Variants in CTNNA2 observed in about 807,000 individuals in gnomAD.
CTNNA2 encodes the protein catenin alpha-2.
CTNNA2 carries 42 observed loss-of-function variants against 101.0 expected under a neutral mutation model. The observed-to-expected ratio is 0.42, with a 90% CI of 0.32 to 0.54. The LOEUF (loss-of-function observed/expected upper bound fraction) is 0.54. Among genes scored for constraint, CTNNA2 ranks in the 20% least tolerant of loss-of-function variants. The pLI is 0.14. For synonymous variants in CTNNA2, 450 were observed against 456.4 expected, an observed-to-expected ratio of 0.99 and a Z score of 0.18; for missense variants, 871 against 1,223.1, an observed-to-expected ratio of 0.71 and a Z score of 4.29.
chr2:80,293,759 G>A (rs1255033804), intron 7 of CTNNA2, among the ~76,000 whole-genome samples: 3 of 152,282 alleles, frequency 2.0e-5, no homozygotes, highest in East Asian at 1.9e-4. Flanking sequence ...TGGAAGAGCT[G>A]GTGGCAAATC....
intron 7 of CTNNA2, among the ~76,000 whole-genome samples, chr2:80,184,045 G>T (rs1043402964): frequency 1.3e-5 from 2 of 151,416 alleles, no homozygotes; most frequent in East Asian, 1.9e-4. Flanking sequence ...TAATAAAATT[G>T]GATTTTACCA....
At chr2:80,581,386 T>A (rs1441846152) in intron 13 of CTNNA2, among the ~76,000 whole-genome samples, 1 of 152,026 alleles carries the variant, frequency 6.6e-6, no homozygotes, top group East Asian at 1.9e-4. Flanking sequence ...TGTTGATGGA[T>A]CTTTTCTTTC....
intron 7 of CTNNA2, among the ~76,000 whole-genome samples, chr2:80,251,706 A>G (rs767600702): frequency 1.5e-4 from 23 of 152,178 alleles, no homozygotes; most frequent in Non-Finnish European, 3.1e-4. Flanking sequence ...GGCTAGAAAC[A>G]AAAATAGGAA....
chr2:79,345,292 A>G (rs1228027072), intron 3 of CTNNA2, among the ~76,000 whole-genome samples: 2 of 152,110 alleles, frequency 1.3e-5, no homozygotes, highest in Admixed American at 6.5e-5. Flanking sequence ...AATAAATAGC[A>G]TATGTTTATA....
At chr2:79,743,175 T>TAAAA (rs35975188) in intron 2 of CTNNA2, among the ~76,000 whole-genome samples, 237 of 147,420 alleles carry the variant, frequency 1.6e-3, no homozygotes, top group African/African-American at 4.5e-3. Flanking sequence ...GTGAAGCCGA[T>TAAAA]AAAAAAAAAA....
chr2:80,320,508 G>C (rs946034770), intron 7 of CTNNA2, among the ~76,000 whole-genome samples: 7 of 152,178 alleles, frequency 4.6e-5, no homozygotes, highest in African/African-American at 1.4e-4. Flanking sequence ...ATTGGGTGAG[G>C]AACAGACCAT....
intron 3 of CTNNA2, among the ~76,000 whole-genome samples, chr2:79,316,761 G>A (rs996919022): frequency 1.3e-5 from 2 of 151,596 alleles, no homozygotes; most frequent in African/African-American, 4.8e-5. Flanking sequence ...TGTATATCCT[G>A]TAAACTTGCT....
intron 7 of CTNNA2, among the ~76,000 whole-genome samples, chr2:80,182,105 C>T (rs1705821692): frequency 6.6e-6 from 1 of 152,070 alleles, no homozygotes; most frequent in African/African-American, 2.4e-5. Context: ...CACAGTAGGC[C>T]ATCTGCAAGC....
At chr2:79,544,008 G>A (rs989724075) in intron 1 of CTNNA2, among the ~76,000 whole-genome samples, 4 of 151,788 alleles carry the variant, frequency 2.6e-5, no homozygotes, top group Admixed American at 6.6e-5. Context: ...GTATGATCTC[G>A]GGTCGCTGCA....
intron 1 of CTNNA2, among the ~76,000 whole-genome samples, chr2:79,185,762 A>G (rs948429737): frequency 1.3e-5 from 2 of 152,174 alleles, no homozygotes; most frequent in African/African-American, 2.4e-5. Flanking sequence ...GTTCCCACCA[A>G]GAAAACTGGT....
At chr2:79,405,914 T>C (rs1208000282) in intron 4 of CTNNA2, among the ~76,000 whole-genome samples, 1 of 151,992 alleles carries the variant, frequency 6.6e-6, no homozygotes, top group Non-Finnish European at 1.5e-5. Context: ...GGGTCATCTG[T>C]CTTTGGCAGC....
chr2:80,230,478 T>C (rs1191223032), intron 7 of CTNNA2, among the ~76,000 whole-genome samples: 2 of 152,158 alleles, frequency 1.3e-5, no homozygotes, highest in African/African-American at 2.4e-5. Flanking sequence ...CTCATGTCTC[T>C]GGATTCATCT....
At chr2:80,241,054 A>T (rs1229032678) in intron 7 of CTNNA2, among the ~76,000 whole-genome samples, 2 of 152,126 alleles carry the variant, frequency 1.3e-5, no homozygotes, top group African/African-American at 4.8e-5. Context: ...TCGGCTGCCA[A>T]TTCAGGCAGG....
intron 9 of CTNNA2, among the ~76,000 whole-genome samples, chr2:80,494,115 T>G (rs1318262371): frequency 6.6e-6 from 1 of 152,150 alleles, no homozygotes; most frequent in African/African-American, 2.4e-5. Flanking sequence ...TTGTATTAAA[T>G]TAATCAAACT....
At chr2:80,061,947 A>C (rs1429183764) in intron 7 of CTNNA2, among the ~76,000 whole-genome samples, 2 of 152,256 alleles carry the variant, frequency 1.3e-5, no homozygotes, top group African/African-American at 4.8e-5. Flanking sequence ...AAAAATGTAG[A>C]AAGAAGCCTT....
At chr2:79,752,005 A>G (rs1434449143) in intron 3 of CTNNA2, among the ~76,000 whole-genome samples, 2 of 152,304 alleles carry the variant, frequency 1.3e-5, no homozygotes, top group African/African-American at 4.8e-5. Context: ...AATTTGTTCT[A>G]CATTTTTGGC....
At chr2:80,367,562 T>C (rs527475827) in intron 7 of CTNNA2, among the ~76,000 whole-genome samples, 1 of 152,276 alleles carries the variant, frequency 6.6e-6, no homozygotes, top group Admixed American at 6.5e-5. Flanking sequence ...GCAGCTACCC[T>C]ATGACCAATA....
chr2:80,073,098 G>T (rs535725830), intron 7 of CTNNA2, among the ~76,000 whole-genome samples: 1 of 152,334 alleles, frequency 6.6e-6, no homozygotes, highest in East Asian at 1.9e-4. Flanking sequence ...AGTAAGCACT[G>T]AAAATATTTG....
intron 9 of CTNNA2, among the ~76,000 whole-genome samples, chr2:80,439,293 A>G (rs184038218): frequency 2.6e-5 from 4 of 152,184 alleles, no homozygotes; most frequent in African/African-American, 4.8e-5. Context: ...CTGCATTTTA[A>G]TGTTAGGATA....
Sources: gnomAD v4.1 joint callset for allele counts (sites outside exome capture counted in the v4.1 genomes callset) on GRCh38, gnomAD v4.1.1 for gene constraint, MANE v1.5 for transcripts, NCBI Gene and HGNC (gene_info 2026-07-23, HGNC 2026-07-21) for gene names.